The following ATG7 variants were observed in gnomAD, a reference collection of about 807,000 sequenced individuals.
The protein encoded by ATG7 is ubiquitin-like modifier-activating enzyme ATG7.
A neutral mutation model predicts 82.4 loss-of-function variants in ATG7; 70 were observed. The ratio of observed to expected loss-of-function variants is 0.85; its 90% CI spans 0.70 to 1.04. The LOEUF is 1.04. ATG7 is among the 50% of genes least tolerant of loss of function. ATG7 has a pLI of 0.00. For missense variants in ATG7, 792 were observed against 864.3 expected, an observed-to-expected ratio of 0.92 and a Z score of 1.05; for synonymous variants, 287 against 313.0, an observed-to-expected ratio of 0.92 and a Z score of 0.88.
chr3:11,313,384 G>T lies in ATG7; in HGVS notation c.492G>T (p.Gly164=), dbSNP rs1020397223. ...CAGAGAGTTTACCTCTCATTCAGGGGCCAGTGGGTTTGGATCAAAGGTTTT... is the reference window on the plus strand; with the variant it reads ...CAGAGAGTTTACCTCTCATTCAGGGTCCAGTGGGTTTGGATCAAAGGTTTT... ...CLPESLPLIQ[G]PVGLDQRFSL... is the part of the protein sequence containing the mutation. The change falls in exon 8 of 21, where the codon GGG becomes GGT. Residue 164 remains glycine, a synonymous_variant. Transcript: ENST00000693202. 6.2e-7 allele frequency: 1 copy of T among 1,612,326 alleles called. No individual in the cohort carries two copies. The highest frequency in any genetic ancestry group is 8.5e-7 in the Non-Finnish European group (1 of 1,179,040).
chr3:11,419,088 T>C (rs2081687258), intron 19 of ATG7, among the ~76,000 whole-genome samples: 1 of 152,216 alleles, frequency 6.6e-6, no homozygotes, highest in Admixed American at 6.5e-5. Context: ...GTGACCTCAC[T>C]GAAGTTTTTG....
At chr3:11,491,655 G>A (rs1034430383) in intron 20 of ATG7, among the ~76,000 whole-genome samples, 4 of 152,134 alleles carry the variant, frequency 2.6e-5, no homozygotes, top group African/African-American at 9.7e-5. Flanking sequence ...TTTTTGGTGT[G>A]GATGTCCTTT....
intron 20 of ATG7, chr3:11,446,641 G>A: frequency 7.6e-6 from 2 of 264,686 alleles, no homozygotes; most frequent in South Asian, 6.5e-5. Context: ...CAGACTGCAA[G>A]CCTGACCAGA....
chr3:11,283,507 C>T (rs1331912045), intron 3 of ATG7, among the ~76,000 whole-genome samples: 3 of 152,170 alleles, frequency 2.0e-5, no homozygotes, highest in Non-Finnish European at 2.9e-5. Flanking sequence ...GGAACCTGCC[C>T]TAACCTGCCC....
At chr3:11,559,532 C>G (rs1211784988), downstream of ATG7, 1 of 1,447,178 alleles carries the variant, frequency 6.9e-7, no homozygotes. Context: ...TCCCCAGCAC[C>G]CTTCAGGCTC....
intron 20 of ATG7, among the ~76,000 whole-genome samples, chr3:11,427,496 T>TTTC (rs1326386062): frequency 6.6e-6 from 1 of 151,562 alleles, no homozygotes; most frequent in African/African-American, 2.4e-5. Flanking sequence ...GCATCATTTT[T>TTTC]TTTTTTTTTT....
chr3:11,275,335 CCT>C lies in ATG7; in HGVS notation c.-366+2909_-366+2910del, dbSNP rs533649162. The stretch of plus-strand genomic sequence containing the variant: ...TGGAAATGACGTTCGCTAATGTCTT[CCT>C]CTCCTCTTTTTTTTTTTTTCTTTTT... On this transcript the variant is annotated intron_variant, in intron 1 of 20. Coordinates refer to ENST00000693202, the MANE Select transcript of ATG7 (RefSeq NM_001349232.2). Among the ~76,000 whole-genome samples, 601 of 151,094 alleles carry C rather than the reference CCT, an allele frequency of 4.0e-3. 5 individuals carry two copies. Among genetic ancestry groups the C allele is most frequent in the African/African-American group, 0.014 (569 of 40,772 alleles).
intron 20 of ATG7, among the ~76,000 whole-genome samples, chr3:11,469,455 A>C (rs1156553228): frequency 6.6e-6 from 1 of 152,140 alleles, no homozygotes; most frequent in Non-Finnish European, 1.5e-5. Flanking sequence ...ACCTCAAAAA[A>C]AAAAAAGTAA....
chr3:11,356,008 T>C (rs565263398), intron 14 of ATG7, among the ~76,000 whole-genome samples: 7 of 152,308 alleles, frequency 4.6e-5, no homozygotes, highest in African/African-American at 1.7e-4. Flanking sequence ...CTTAACAATA[T>C]AATGAACCTC....
chr3:11,540,298 A>G (rs1037080633), intron 20 of ATG7, among the ~76,000 whole-genome samples: 5 of 151,254 alleles, frequency 3.3e-5, no homozygotes, highest in Non-Finnish European at 5.9e-5. Flanking sequence ...TCTGATGACA[A>G]CATCTTTCCC....
chr3:11,544,022 T>C (rs558045444), intron 20 of ATG7, among the ~76,000 whole-genome samples: 1 of 152,338 alleles, frequency 6.6e-6, no homozygotes, highest in South Asian at 2.1e-4. Flanking sequence ...CCCTGCTTTG[T>C]GCAGTCTGCC....
intron 20 of ATG7, among the ~76,000 whole-genome samples, chr3:11,526,122 G>A (rs889135481): frequency 1.3e-5 from 2 of 152,190 alleles, no homozygotes; most frequent in African/African-American, 4.8e-5. Context: ...CAGGCACCAT[G>A]GTTCATGCCT....
chr3:11,466,895 C>T (rs543793678), intron 20 of ATG7, among the ~76,000 whole-genome samples: 31 of 152,142 alleles, frequency 2.0e-4, no homozygotes, highest in Non-Finnish European at 2.5e-4. Context: ...TTTGGGAGGC[C>T]GAGGCGGGCA....
Position 11,557,235 on chromosome 3 carries a change from A to ACT in ATG7, c.*2392_*2393insCT. ...ATTTCTAGTTAGTAGCTATTAATAT[A>ACT]GCAAATAATAAATGCAGTAATAACA... is the stretch of plus-strand genomic sequence containing the variant. On this transcript the variant is annotated 3_prime_UTR_variant, in exon 21 of 21. Transcript: ENST00000693202. The ACT allele has an allele frequency of 6.5e-6, 1 of 152,808 alleles. No homozygotes were observed. Among genetic ancestry groups the ACT allele is most frequent in the Non-Finnish European group, 1.5e-5 (1 of 68,044 alleles). The allele number at this position is 152,808 out of a possible 1,614,324, so 9.5% of individuals were successfully genotyped here. A position where few individuals can be genotyped will look rare whatever the true frequency, so the allele number is the denominator to read the frequency against.
At chr3:11,514,241 G>A (rs962529969) in intron 20 of ATG7, among the ~76,000 whole-genome samples, 1 of 152,170 alleles carries the variant, frequency 6.6e-6, no homozygotes, top group African/African-American at 2.4e-5. Flanking sequence ...TTGGAATCTG[G>A]CCAGTGTGAC....
chr3:11,315,846 C>T (rs1949333071), intron 9 of ATG7, among the ~76,000 whole-genome samples: 1 of 152,186 alleles, frequency 6.6e-6, no homozygotes, highest in Non-Finnish European at 1.5e-5. Flanking sequence ...CCTGGTCAGC[C>T]TCCCGAGTAG....
chr3:11,522,121 A>C (rs1053355014), intron 20 of ATG7, among the ~76,000 whole-genome samples: 16 of 152,272 alleles, frequency 1.1e-4, no homozygotes, highest in African/African-American at 3.9e-4. Flanking sequence ...AGATCTGTCT[A>C]TCCCTAGAAC....
chr3:11,563,156 T>G, the ATG7 span, among the ~76,000 whole-genome samples: 1 of 150,360 alleles, frequency 6.7e-6, no homozygotes, highest in African/African-American at 2.4e-5. Flanking sequence ...TGGGCAGAGA[T>G]AGCTTGTAAG....
At chr3:11,395,339 G>C (rs914505258) in intron 19 of ATG7, among the ~76,000 whole-genome samples, 5 of 152,116 alleles carry the variant, frequency 3.3e-5, no homozygotes, top group African/African-American at 1.2e-4. Flanking sequence ...TGGGATTATA[G>C]ATAAACTTTT....
Sources: allele counts gnomAD v4.1 joint callset (sites outside exome capture counted in the v4.1 genomes callset), GRCh38; gene constraint gnomAD v4.1.1; transcripts MANE v1.5; gene names NCBI Gene and HGNC (gene_info 2026-07-23, HGNC 2026-07-21).